The following SHQ1 variants were observed in gnomAD, a reference collection of about 807,000 sequenced individuals.
The protein encoded by SHQ1 is SHQ1, H/ACA ribonucleoprotein assembly factor, also known as protein SHQ1 homolog.
Under a neutral mutation model 53.8 loss-of-function variants are expected in SHQ1, and 49 were observed. The observed-to-expected ratio is 0.91, with a 90% CI of 0.72 to 1.16. SHQ1 has a LOEUF of 1.16. Ranked by LOEUF, SHQ1 falls within the 50% of genes most tolerant of loss-of-function variation. The pLI is 0.00. For synonymous variants in SHQ1, 243 were observed against 251.0 expected, an observed-to-expected ratio of 0.97 and a Z score of 0.30; for missense variants, 738 against 683.1, an observed-to-expected ratio of 1.08 and a Z score of -0.90.
At chr3:72,819,459 C>T (rs1356358625) in intron 6 of SHQ1, among the ~76,000 whole-genome samples, 1 of 151,550 alleles carries the variant, frequency 6.6e-6, no homozygotes, top group African/African-American at 2.4e-5. Flanking sequence ...TTTTTTAAGA[C>T]AAGATTCTGG....
chr3:72,799,763 A>T (rs1706730525), intron 9 of SHQ1, among the ~76,000 whole-genome samples: 1 of 152,206 alleles, frequency 6.6e-6, no homozygotes, highest in South Asian at 2.1e-4. Context: ...GTATACTCGC[A>T]AACAAAATTA....
chr3:72,816,298 T>C lies in SHQ1; in HGVS notation c.883-895A>G, dbSNP rs866398869. ...GACACACGCGCACACTGAAAGAAGA[T>C]TGGAAATAGATACATCACCATGTAA... On this transcript the variant is annotated intron_variant, in intron 7 of 10. Transcript: ENST00000325599. Among the ~76,000 whole-genome samples, 13 of 151,962 alleles carry C rather than the reference T, an allele frequency of 8.6e-5. 1 individual carries two copies. The highest frequency in any genetic ancestry group is 3.3e-4 in the Admixed American group (5 of 15,268).
intron 9 of SHQ1, chr3:72,809,779 C>A (rs1487189860): frequency 6.6e-6 from 1 of 151,940 alleles, no homozygotes; most frequent in Non-Finnish European, 1.5e-5. Context: ...GTCAACACGG[C>A]AAAACCCCGC....
intron 10 of SHQ1, among the ~76,000 whole-genome samples, chr3:72,788,514 G>A (rs369295262): frequency 6.6e-6 from 1 of 151,834 alleles, no homozygotes; most frequent in East Asian, 2.0e-4. Context: ...GGGCGCCTCT[G>A]CCCTGCCGCC....
chr3:72,772,183 A>G (rs926976060), intron 10 of SHQ1, among the ~76,000 whole-genome samples: 1 of 152,082 alleles, frequency 6.6e-6, no homozygotes, highest in Admixed American at 6.6e-5. Context: ...TTAAAGCAAA[A>G]TGTAACAAAT....
the SHQ1 span, among the ~76,000 whole-genome samples, chr3:72,732,380 GCCTGCCTGCCTTCCTTCCTTCCTT>G: frequency 7.3e-5 from 7 of 95,648 alleles, no homozygotes; most frequent in African/African-American, 3.2e-4. Context: ...CTGCCTGCCT[GCCTGCCTGCCTTCCTTCCTTCCTT>G]CCTTCCTTCC....
chr3:72,727,134 G>A, the SHQ1 span, among the ~76,000 whole-genome samples: 1 of 152,294 alleles, frequency 6.6e-6, no homozygotes, highest in South Asian at 2.1e-4. Flanking sequence ...GGGGGTCCAC[G>A]AAGGGCCATG....
At chr3:72,794,010 C>T (rs532736742) in intron 9 of SHQ1, 1 of 152,026 alleles carries the variant, frequency 6.6e-6, no homozygotes, top group Non-Finnish European at 1.5e-5. Flanking sequence ...CTAGGTGTTC[C>T]AAACTTCATG....
In SHQ1 at chr3:72,764,569, T is replaced by C. The variant is rs1260322956; in HGVS notation, c.1182-13733A>G. On this transcript the variant is annotated intron_variant, in intron 10 of 10. Coordinates refer to ENST00000325599, the MANE Select transcript of SHQ1 (RefSeq NM_018130.3). ...AGACTATCTAAGGAGAATTTTAAAA[T>C]ACTTTTAATAAAGGCAATTGACTTC... Among the ~76,000 whole-genome samples the C allele has an allele frequency of 2.0e-5, 3 of 152,200 alleles. No homozygotes were observed. The East Asian group carries it at 5.8e-4, about 29-fold the overall frequency.
At chr3:72,764,515 T>C (rs2106725181) in intron 10 of SHQ1, among the ~76,000 whole-genome samples, 1 of 152,352 alleles carries the variant, frequency 6.6e-6, no homozygotes, top group East Asian at 1.9e-4. Flanking sequence ...AGCATCTGTC[T>C]ACCAGAATAC....
chr3:72,815,826 G>C (rs975713494), intron 7 of SHQ1, among the ~76,000 whole-genome samples: 2 of 152,166 alleles, frequency 1.3e-5, no homozygotes, highest in Non-Finnish European at 2.9e-5. Context: ...TAGAAAATTT[G>C]ATCTTTCAGA....
chr3:72,765,544 TA>T (rs2106727399), intron 10 of SHQ1, among the ~76,000 whole-genome samples: 1 of 96,456 alleles, frequency 1.0e-5, no homozygotes, highest in African/African-American at 6.6e-5. Context: ...TATATATATA[TA>T]TATATATATA....
At chr3:72,815,283 G>T in intron 8 of SHQ1, 67 bp downstream of exon 8, 2 of 1,310,608 alleles carry the variant, frequency 1.5e-6, no homozygotes, top group Non-Finnish European at 2.2e-6. Context: ...TACCCCAAAT[G>T]ATGTAAAAAC....
the SHQ1 span, among the ~76,000 whole-genome samples, chr3:72,738,981 G>A: frequency 6.6e-6 from 1 of 152,220 alleles, no homozygotes; most frequent in Non-Finnish European, 1.5e-5. Context: ...GGGAGAGCTG[G>A]GTGGTTATGC....
chr3:72,822,946 G>A (rs575106590), intron 6 of SHQ1, among the ~76,000 whole-genome samples: 33 of 152,134 alleles, frequency 2.2e-4, no homozygotes, highest in African/African-American at 7.7e-4. Flanking sequence ...TCAGGAGATC[G>A]AGACCATCCT....
chr3:72,842,083 T>C (rs995081275), intron 3 of SHQ1, among the ~76,000 whole-genome samples, 197 bp downstream of exon 3: 1 of 152,180 alleles, frequency 6.6e-6, no homozygotes, highest in African/African-American at 2.4e-5. Context: ...AAAATGTGAG[T>C]GATCTGGTTC....
intron 10 of SHQ1, among the ~76,000 whole-genome samples, chr3:72,770,291 TACAG>T (rs1410011810): frequency 2.0e-5 from 3 of 152,228 alleles, no homozygotes; most frequent in South Asian, 4.1e-4. Flanking sequence ...TCCAAGGCCA[TACAG>T]ACAGAGAAGA....
intron 10 of SHQ1, among the ~76,000 whole-genome samples, chr3:72,780,558 G>A (rs1402216706): frequency 1.3e-5 from 2 of 152,158 alleles, no homozygotes; most frequent in Non-Finnish European, 2.9e-5. Context: ...TACCATATGC[G>A]AGAAGGTGTT....
At chr3:72,751,924 ATGGAAAATGTATATACCC>A (rs1473315686) in intron 10 of SHQ1, among the ~76,000 whole-genome samples, 1 of 152,150 alleles carries the variant, frequency 6.6e-6, no homozygotes, top group African/African-American at 2.4e-5. Context: ...AACTTTCAAA[ATGGAAAATGTATATACCC>A]TGGACCCAGA....
Sources: allele counts gnomAD v4.1 joint callset (sites outside exome capture counted in the v4.1 genomes callset), GRCh38; gene constraint gnomAD v4.1.1; transcripts MANE v1.5; gene names NCBI Gene and HGNC (gene_info 2026-07-23, HGNC 2026-07-21).